Variants in SLC35F3 observed in about 807,000 individuals in gnomAD.
The protein encoded by SLC35F3 is solute carrier family 35 member F3, also known as putative thiamine transporter SLC35F3.
In SLC35F3, 25 loss-of-function variants were observed where a neutral mutation model predicts 49.9. The observed-to-expected ratio is 0.50, with a 90% CI of 0.37 to 0.70. The LOEUF (loss-of-function observed/expected upper bound fraction) is 0.70, where lower values mean the gene tolerates loss of function less well. Ranked by LOEUF, SLC35F3 falls within the 30% of genes least tolerant of loss-of-function variation. The probability of loss-of-function intolerance (pLI) is 0.00; values close to 1 mark genes in which losing one functional copy is unlikely to be tolerated. For synonymous variants in SLC35F3, 275 were observed against 265.4 expected (o/e 1.04, Z -0.35); for missense variants, 525 against 639.8 (o/e 0.82, Z 1.94).
intron 2 of SLC35F3, among the ~76,000 whole-genome samples, chr1:234,156,198 A>G (rs1209684171): frequency 6.6e-6 from 1 of 152,240 alleles, no homozygotes; most frequent in African/African-American, 2.4e-5. Flanking sequence ...CAAAGGTGAT[A>G]ATTTTTTCCA....
chr1:234,173,008 T>C (rs2102919793), intron 2 of SLC35F3, among the ~76,000 whole-genome samples: 1 of 152,192 alleles, frequency 6.6e-6, no homozygotes, highest in South Asian at 2.1e-4. Context: ...CCCAGGAAAT[T>C]CTCATTGACA....
chr1:233,964,878 G>C (rs1379277888), intron 2 of SLC35F3, among the ~76,000 whole-genome samples: 2 of 152,124 alleles, frequency 1.3e-5, no homozygotes, highest in African/African-American at 4.8e-5. Context: ...GAATTCAGGG[G>C]ACCACACTAA....
chr1:234,096,351 G>A (rs1200071783), intron 2 of SLC35F3, among the ~76,000 whole-genome samples: 2 of 152,192 alleles, frequency 1.3e-5, no homozygotes, highest in Non-Finnish European at 2.9e-5. Context: ...GGAAGGATCA[G>A]TTGTAAAGCT....
rs145727465 is a variant in SLC35F3, at chr1:234,221,116, G to A, written c.284-10301G>A. Among the ~76,000 whole-genome samples, 610 of 152,064 alleles carry A rather than the reference G, an allele frequency of 4.0e-3. 3 individuals are homozygous for A. Among genetic ancestry groups the A allele is most frequent in the African/African-American group, 0.014 (579 of 41,508 alleles). On this transcript the variant is annotated intron_variant, in intron 2 of 7. Transcript: ENST00000366618. The stretch of plus-strand genomic sequence containing the variant: ...ACCGAGAAGAAAGAGAGAGAGTGAT[G>A]TGTCAGATGCAACCAAGAGAGGGTG...
chr1:234,052,552 C>T (rs549505612), intron 2 of SLC35F3, among the ~76,000 whole-genome samples: 16 of 151,980 alleles, frequency 1.1e-4, no homozygotes, highest in African/African-American at 3.6e-4. Context: ...GTCTTACTAG[C>T]GTTCTTTCAA....
At chr1:234,299,964 T>C (rs1470549331) in intron 3 of SLC35F3, among the ~76,000 whole-genome samples, 1 of 152,064 alleles carries the variant, frequency 6.6e-6, no homozygotes, top group African/African-American at 2.4e-5. Context: ...GAATTCAAAT[T>C]TGTTCATGAA....
chr1:233,946,934 A>G (rs1662521783), intron 2 of SLC35F3, among the ~76,000 whole-genome samples: 1 of 152,188 alleles, frequency 6.6e-6, no homozygotes, highest in Admixed American at 6.5e-5. Flanking sequence ...CAATTTTACC[A>G]TCTGTGAAAT....
chr1:234,058,246 T>G (rs1411075373), intron 2 of SLC35F3, among the ~76,000 whole-genome samples: 1 of 151,526 alleles, frequency 6.6e-6, no homozygotes, highest in African/African-American at 2.4e-5. Flanking sequence ...AATTTATGAA[T>G]GTTAAACCAA....
At chr1:234,068,706 C>A (rs760388415) in intron 2 of SLC35F3, among the ~76,000 whole-genome samples, 1 of 150,764 alleles carries the variant, frequency 6.6e-6, no homozygotes, top group South Asian at 2.1e-4. Context: ...CAGTAAGAGG[C>A]AAGAGTGCAG....
chr1:234,296,649 GC>G lies in SLC35F3; in HGVS notation c.609-12449del, dbSNP rs551418762. Among the ~76,000 whole-genome samples the G allele has an allele frequency of 1.6e-4, 25 of 152,348 alleles. No individual in the cohort carries two copies. In the South Asian group the frequency reaches 5.2e-3, roughly 32 times the overall value. On this transcript the variant is annotated intron_variant, in intron 3 of 7. Transcript: ENST00000366618. ...TGTGAATCTAGCAAGTTGGCCAGGG[GC>G]CCTGTGGACCAGCGATGCTTTGGGA... is the stretch of plus-strand genomic sequence containing the variant.
At chr1:234,273,352 G>A (rs976558945) in intron 3 of SLC35F3, among the ~76,000 whole-genome samples, 1 of 152,176 alleles carries the variant, frequency 6.6e-6, no homozygotes, top group South Asian at 2.1e-4. Context: ...GCCCACACCG[G>A]TGTGAGTGGT....
At position 233,957,841 on chromosome 1, in the gene SLC35F3, A is replaced by G. The variant is rs766468739; in HGVS notation, c.283+52083A>G. 6.6e-6 allele frequency among the ~76,000 whole-genome samples: 1 copy of G among 152,146 alleles called. No homozygotes were observed. Among genetic ancestry groups the G allele is most frequent in the African/African-American group, 2.4e-5 (1 of 41,428 alleles). ...AAAAAAAAAATACAATAATCATTTTATTATTGCTTGTGGTTTTATGAGATG... is the reference window on the plus strand; with the variant it reads ...AAAAAAAAAATACAATAATCATTTTGTTATTGCTTGTGGTTTTATGAGATG... On this transcript the variant is annotated intron_variant, in intron 2 of 7. Coordinates refer to ENST00000366618, the MANE Select transcript of SLC35F3 (RefSeq NM_173508.4). The surrounding 1 kb of genome is among the most constrained non-coding windows in gnomAD (Gnocchi z 4.0).
intron 3 of SLC35F3, among the ~76,000 whole-genome samples, chr1:234,301,489 C>T (rs1368268725): frequency 2.0e-5 from 3 of 152,186 alleles, no homozygotes; most frequent in Admixed American, 1.3e-4. Context: ...AATCAGAATG[C>T]GATACCATCT....
At chr1:234,150,517 G>A (rs1329941217) in intron 2 of SLC35F3, among the ~76,000 whole-genome samples, 2 of 152,126 alleles carry the variant, frequency 1.3e-5, no homozygotes, top group African/African-American at 4.8e-5. Flanking sequence ...TTTAAAAAAT[G>A]TTTGTTCCCT....
intron 3 of SLC35F3, among the ~76,000 whole-genome samples, chr1:234,304,048 T>C (rs1346743177): frequency 8.4e-6 from 1 of 118,490 alleles, no homozygotes; most frequent in South Asian, 2.5e-4. Context: ...CTTCCTTCTT[T>C]CTTTCCTTCC....
intron 2 of SLC35F3, among the ~76,000 whole-genome samples, chr1:234,212,015 G>A (rs545874107): frequency 9.2e-5 from 14 of 152,302 alleles, no homozygotes; most frequent in African/African-American, 3.1e-4. Flanking sequence ...TAAGTTTCAT[G>A]AGATCTGATG....
chr1:233,923,308 T>A (rs1295913342), intron 2 of SLC35F3, among the ~76,000 whole-genome samples: 2 of 152,204 alleles, frequency 1.3e-5, no homozygotes, highest in African/African-American at 4.8e-5. Context: ...TTTGTTTGTG[T>A]CCTCTTTTAT....
chr1:234,167,998 G>A (rs776840144), intron 2 of SLC35F3, among the ~76,000 whole-genome samples: 8 of 152,128 alleles, frequency 5.3e-5, no homozygotes, highest in Non-Finnish European at 1.2e-4. Flanking sequence ...TGTAGCCCAA[G>A]AGTAGTCAGT....
chr1:234,291,248 C>A (rs1344147613), intron 3 of SLC35F3, among the ~76,000 whole-genome samples: 1 of 152,204 alleles, frequency 6.6e-6, no homozygotes, highest in East Asian at 1.9e-4. Context: ...TGCTAACGTG[C>A]ACACATTAGG....
Sources: gnomAD v4.1 joint callset for allele counts (sites outside exome capture counted in the v4.1 genomes callset) on GRCh38, gnomAD v4.1.1 for gene constraint, Gnocchi (gnomAD v3.1) non-coding constraint, MANE v1.5 for transcripts, NCBI Gene and HGNC (gene_info 2026-07-23, HGNC 2026-07-21) for gene names.